The following CATSPERD variants were observed in gnomAD, a reference collection of about 807,000 sequenced individuals.
The protein encoded by CATSPERD is catsper channel auxiliary subunit delta.
CATSPERD carries 86 observed loss-of-function variants against 98.1 expected under a neutral mutation model. The ratio of observed to expected loss-of-function variants is 0.88; its 90% CI spans 0.74 to 1.05. CATSPERD has a LOEUF of 1.05. Among genes scored for constraint, CATSPERD ranks in the 50% least tolerant of loss-of-function variants. The pLI is 0.00. For synonymous variants in CATSPERD, 394 were observed against 390.2 expected (o/e 1.01, Z -0.12); for missense variants, 995 against 1,005.7 (o/e 0.99, Z 0.14).
intron 7 of CATSPERD, among the ~76,000 whole-genome samples, chr19:5,743,683 C>CCTCT (rs146743330): frequency 0.015 from 2,133 of 144,048 alleles, 21 homozygotes; most frequent in East Asian, 0.03. Context: ...TCTCTCTCTT[C>CCTCT]CTCTCTCTCT....
chr19:5,742,289 C>CAT (rs144832809), intron 7 of CATSPERD, among the ~76,000 whole-genome samples: 10 of 138,708 alleles, frequency 7.2e-5, no homozygotes, highest in Admixed American at 2.9e-4. Context: ...CGTGTGTGTG[C>CAT]GTGTGTACGT....
At position 5,759,083 on chromosome 19, in the gene CATSPERD, C is replaced by T. The variant is rs1448282733; in HGVS notation, c.1369-3C>T. On this transcript the variant is annotated splice_polypyrimidine_tract_variant and splice_region_variant and intron_variant, in intron 14 of 21. Transcript: ENST00000381624. ...CTTGGGATTTTCTCTCTTGACCCCA[C>T]AGGATATTTTCCTAAAACAGCAGCA... 1.2e-6 allele frequency: 2 copies of T among 1,613,684 alleles called. No individual in the cohort carries two copies. The highest frequency in any genetic ancestry group is 1.7e-6 in the Non-Finnish European group (2 of 1,179,848).
At position 5,772,764 on chromosome 19, in the gene CATSPERD, C is replaced by T. The variant is rs369137374; in HGVS notation, c.1764-24C>T. On this transcript the variant is annotated intron_variant, in intron 19 of 21. Transcript: ENST00000381624. Reference sequence around the variant, plus strand: ...TGGGTTGTCCCTGCTCCCTGCACAGCCCTGCCCCGTGCCTGTGTCCTAGGT... The same window carrying T: ...TGGGTTGTCCCTGCTCCCTGCACAGTCCTGCCCCGTGCCTGTGTCCTAGGT... 4.1e-5 allele frequency: 66 copies of T among 1,608,206 alleles called. No individual in the cohort carries two copies. In the African/African-American group the frequency reaches 7.6e-4, roughly 19 times the overall value.
At chr19:5,774,868 T>A (rs2056712567) in intron 20 of CATSPERD, among the ~76,000 whole-genome samples, 1 of 151,832 alleles carries the variant, frequency 6.6e-6, no homozygotes, top group African/African-American at 2.4e-5. Context: ...AGTACAAAAA[T>A]TAGCAGGGCA....
intron 11 of CATSPERD, among the ~76,000 whole-genome samples, chr19:5,749,798 A>G (rs1387673812): frequency 6.9e-6 from 1 of 145,624 alleles, no homozygotes; most frequent in Non-Finnish European, 1.5e-5. Context: ...CATTATGCCT[A>G]TCTAATTTTT....
In CATSPERD at chr19:5,778,549, A is replaced by T; in HGVS notation, c.2270A>T (p.Lys757Met). The part of the protein sequence containing the change: ...LRTARGRRIK[K>M]CATQLCRRCK... ...ACAGCACGCGGCCGCAGGATCAAGA[A>T]GTGTGCGACACAGCTGTGTAGGAGA... The change falls in exon 22 of 22, where the codon AAG becomes ATG. Residue 757 changes from lysine to methionine, a missense_variant. Around this residue, in one of 3 missense-constraint regions of CATSPERD, gnomAD observed 762 missense variants for 773.7 expected, o/e 0.98. Transcript: ENST00000381624. 6.2e-7 allele frequency: 1 copy of T among 1,613,962 alleles called. No individual in the cohort carries two copies. Among genetic ancestry groups the T allele is most frequent in the Non-Finnish European group, 8.5e-7 (1 of 1,180,024 alleles).
chr19:5,733,879 A>C lies in CATSPERD; in HGVS notation c.300A>C (p.Ser100=), dbSNP rs571548342. Residue 100 remains serine, a synonymous_variant, in exon 5 of 22, where the codon TCA becomes TCC. Coordinates refer to ENST00000381624, the MANE Select transcript of CATSPERD (RefSeq NM_152784.4). Reference sequence around the variant, plus strand: ...AGGTCGGCGTACCAGAAGTGACATCAGCACATTTTGCTGGTTCGTTATTGC... The same window carrying C: ...AGGTCGGCGTACCAGAAGTGACATCCGCACATTTTGCTGGTTCGTTATTGC... ...SMQVGVPEVT[S]AHFAGSLLLL... 2 of 1,612,464 alleles carry C rather than the reference A, an allele frequency of 1.2e-6. No individual in the cohort carries two copies. Among genetic ancestry groups the C allele is most frequent in the South Asian group, 2.2e-5 (2 of 90,688 alleles).
At chr19:5,772,360 T>C in intron 19 of CATSPERD, 1 of 251,748 alleles carries the variant, frequency 4.0e-6, no homozygotes, top group South Asian at 3.5e-5. Context: ...CCCGAGTAGC[T>C]GGGATTACAG....
At chr19:5,747,335 C>CT (rs1235821542) in intron 9 of CATSPERD, among the ~76,000 whole-genome samples, 3 of 150,808 alleles carry the variant, frequency 2.0e-5, no homozygotes, top group African/African-American at 7.3e-5. Context: ...CCATGCATAA[C>CT]TAACTTATTT....
intron 18 of CATSPERD, among the ~76,000 whole-genome samples, chr19:5,769,346 G>A (rs1419878493): frequency 1.3e-5 from 2 of 150,746 alleles, no homozygotes; most frequent in Non-Finnish European, 2.9e-5. Flanking sequence ...GGAGGTGCCA[G>A]GCTCTTAAAC....
intron 13 of CATSPERD, among the ~76,000 whole-genome samples, chr19:5,757,599 ATTTTTT>A (rs534531838): frequency 1.1e-5 from 1 of 91,818 alleles, no homozygotes. Flanking sequence ...GCCTGGCCAA[ATTTTTT>A]TTTTTTTTTT....
chr19:5,775,004 A>C (rs1599602954), intron 20 of CATSPERD, among the ~76,000 whole-genome samples: 1 of 151,850 alleles, frequency 6.6e-6, no homozygotes, highest in South Asian at 2.1e-4. Flanking sequence ...GGGACAGCAG[A>C]AGAAAATGTC....
intron 12 of CATSPERD, among the ~76,000 whole-genome samples, chr19:5,752,753 C>T (rs1162171172): frequency 7.2e-5 from 11 of 152,152 alleles, no homozygotes; most frequent in Admixed American, 2.0e-4. Context: ...GGGGGCCGGG[C>T]GTGGTGGCTC....
chr19:5,752,044 G>A (rs1207239941), intron 12 of CATSPERD, among the ~76,000 whole-genome samples: 2 of 151,878 alleles, frequency 1.3e-5, no homozygotes, highest in Non-Finnish European at 1.5e-5. Flanking sequence ...GGTACGGTGG[G>A]AGACTTTGGA....
chr19:5,750,095 C>T (rs901090283), intron 11 of CATSPERD, among the ~76,000 whole-genome samples: 19 of 150,298 alleles, frequency 1.3e-4, no homozygotes, highest in Admixed American at 8.7e-4. Flanking sequence ...TGAGCCACCG[C>T]GCCCGGCCGA....
In CATSPERD at chr19:5,750,510, C is replaced by A. The variant is rs542459737; in HGVS notation, c.988-1137C>A. ...GGCCAGGCACAGTGGCTCCTTCCTG[C>A]AATCCCAGCACTTTGGTTCCAGGAG... is the stretch of plus-strand genomic sequence containing the variant. On this transcript the variant is annotated intron_variant, in intron 11 of 21. Transcript: ENST00000381624. Among the ~76,000 whole-genome samples the A allele has an allele frequency of 9.6e-5, 14 of 145,560 alleles. No individual in the cohort carries two copies. In the Admixed American group the frequency reaches 9.9e-4, roughly 10 times the overall value.
intron 4 of CATSPERD, among the ~76,000 whole-genome samples, chr19:5,730,413 C>T (rs1169820977): frequency 2.6e-5 from 4 of 151,666 alleles, no homozygotes; most frequent in Non-Finnish European, 5.9e-5. Context: ...CGTGGTGGCA[C>T]GGGCCTGTAG....
At position 5,745,897 on chromosome 19, in the gene CATSPERD, T is replaced by A. The variant is rs865994557; in HGVS notation, c.658-16T>A. 6.2e-7 allele frequency: 1 copy of A among 1,613,492 alleles called. No homozygotes were observed. ...TAGGGTTTGGGGAGAGGCTGAATGGTGTCTTTTTCTCCCAGGGCATGTTCA... is the reference window on the plus strand; with the variant it reads ...TAGGGTTTGGGGAGAGGCTGAATGGAGTCTTTTTCTCCCAGGGCATGTTCA... On this transcript the variant is annotated splice_polypyrimidine_tract_variant and intron_variant, in intron 8 of 21. Transcript: ENST00000381624.
At chr19:5,746,599 T>G (rs926155469) in intron 9 of CATSPERD, among the ~76,000 whole-genome samples, 15 of 151,876 alleles carry the variant, frequency 9.9e-5, no homozygotes, top group South Asian at 2.1e-4. Flanking sequence ...CGGCTAATTT[T>G]TTTTTTTGTA....
Sources: gnomAD v4.1 joint callset for allele counts (sites outside exome capture counted in the v4.1 genomes callset) on GRCh38, gnomAD v4.1.1 for gene constraint, gnomAD v4.1.1 regional missense constraint, MANE v1.5 for transcripts, NCBI Gene and HGNC (gene_info 2026-07-23, HGNC 2026-07-21) for gene names.